Variants in SLC6A11 observed in about 807,000 individuals in gnomAD.
SLC6A11 encodes solute carrier family 6 member 11.
SLC6A11 carries 25 observed loss-of-function variants against 74.8 expected under a neutral mutation model. That is an observed-to-expected ratio of 0.33 (90% CI 0.24 to 0.47). The LOEUF (loss-of-function observed/expected upper bound fraction) is 0.47. SLC6A11 is among the 20% of genes least tolerant of loss of function. The pLI, the probability that SLC6A11 is intolerant of heterozygous loss-of-function variation, is 1.00. For missense variants in SLC6A11, 574 were observed against 837.0 expected (o/e 0.69, Z 3.88); for synonymous variants, 330 against 330.2 (o/e 1.00, Z 0.01).
intron 5 of SLC6A11, among the ~76,000 whole-genome samples, chr3:10,847,727 T>A (rs948613176): frequency 1.2e-4 from 19 of 152,190 alleles, no homozygotes; most frequent in Non-Finnish European, 2.8e-4. Context: ...GTCCGTGGAT[T>A]GATAGGTAAG....
chr3:10,934,015 T>C, intron 11 of SLC6A11, 51 bp from the exon 12 acceptor site: 1 of 1,290,486 alleles, frequency 7.7e-7, no homozygotes, highest in Non-Finnish European at 1.1e-6. Flanking sequence ...CTGACTCATG[T>C]ACAAAACTTC....
chr3:10,851,027 C>T (rs1236935017), intron 5 of SLC6A11, among the ~76,000 whole-genome samples: 5 of 152,166 alleles, frequency 3.3e-5, no homozygotes, highest in Non-Finnish European at 5.9e-5. Flanking sequence ...GTGGTTGACC[C>T]GGCCTTTGGC....
rs1261415018 is a variant in SLC6A11 at position 10,939,457 on chromosome 3, C to G, written c.*1055C>G. The G allele has an allele frequency of 6.6e-6, 1 of 152,452 alleles. No homozygotes were observed. The highest frequency in any genetic ancestry group is 2.4e-5 in the African/African-American group (1 of 41,432). The allele number at this position is 152,452 out of a possible 1,614,324, so 9.4% of individuals were successfully genotyped here. A position where few individuals can be genotyped will look rare whatever the true frequency, so the allele number is the denominator to read the frequency against. ...CAGCCATCTATTCTTGCAGCCATCT[C>G]AGCCAGGGTCTATGTCTTAGGACCT... On this transcript the variant is annotated 3_prime_UTR_variant, in exon 14 of 14. Transcript: ENST00000254488.
Position 10,915,073 on chromosome 3 carries a change from C to G in SLC6A11, c.995+2880C>G, listed in dbSNP as rs891077164. Among the ~76,000 whole-genome samples, 1 of 152,164 alleles carries G rather than the reference C, an allele frequency of 6.6e-6. No homozygotes were observed. The highest frequency in any genetic ancestry group is 1.5e-5 in the Non-Finnish European group (1 of 68,038). On this transcript the variant is annotated intron_variant, in intron 7 of 13. Transcript: ENST00000254488. This position sits in a 1 kb window ranked among gnomAD's most constrained non-coding sequence, Gnocchi z 4.3. ...CAAGGAGATGGTGGCCCGTGGAGCT[C>G]GAGTCCCTTACTCCTGTTCACATTG...
At chr3:10,838,951 TAA>T (rs1694403388) in intron 4 of SLC6A11, among the ~76,000 whole-genome samples, 1 of 152,134 alleles carries the variant, frequency 6.6e-6, no homozygotes, top group East Asian at 1.9e-4. Flanking sequence ...CCAAGTCTCT[TAA>T]TAAGGAAGGA....
intron 6 of SLC6A11, among the ~76,000 whole-genome samples, chr3:10,891,447 A>G (rs1454458572): frequency 6.6e-6 from 1 of 152,206 alleles, no homozygotes; most frequent in African/African-American, 2.4e-5. Context: ...GCTCAATTTT[A>G]TTCATAAAAT....
At position 10,886,625 on chromosome 3, in the gene SLC6A11, G is replaced by C. The variant is rs184968017; in HGVS notation, c.891+11530G>C. Among the ~76,000 whole-genome samples, 22 of 152,264 alleles carry C rather than the reference G, an allele frequency of 1.4e-4. No homozygotes were observed. In the East Asian group the frequency reaches 2.9e-3, roughly 20 times the overall value. ...AATTCCGGACCAGCCTGACCAATATGATGAAGCCCCATCTCTACTAAAAAT... is the reference window on the plus strand; with the variant it reads ...AATTCCGGACCAGCCTGACCAATATCATGAAGCCCCATCTCTACTAAAAAT... On this transcript the variant is annotated intron_variant, in intron 6 of 13. Transcript: ENST00000254488.
intron 5 of SLC6A11, among the ~76,000 whole-genome samples, chr3:10,848,002 C>T (rs1694525962): frequency 1.3e-5 from 2 of 152,182 alleles, no homozygotes; most frequent in African/African-American, 4.8e-5. Flanking sequence ...GCTTTGTGTT[C>T]CCTCTTCATC....
At chr3:10,851,676 G>T (rs866493149) in intron 5 of SLC6A11, among the ~76,000 whole-genome samples, 2 of 152,196 alleles carry the variant, frequency 1.3e-5, no homozygotes, top group Non-Finnish European at 2.9e-5. Flanking sequence ...TGCGAATATC[G>T]TCCCCATTTC....
chr3:10,878,163 T>C (rs754787145), intron 6 of SLC6A11, among the ~76,000 whole-genome samples: 1 of 152,218 alleles, frequency 6.6e-6, no homozygotes, highest in Non-Finnish European at 1.5e-5. Context: ...CTGTGGTCTT[T>C]GGAATAAGAT....
At chr3:10,886,158 T>C (rs967407721) in intron 6 of SLC6A11, among the ~76,000 whole-genome samples, 1 of 152,158 alleles carries the variant, frequency 6.6e-6, no homozygotes, top group Non-Finnish European at 1.5e-5. Flanking sequence ...TACCTGAAAA[T>C]AGTGGTTTCC....
In SLC6A11 at chr3:10,934,047, T is replaced by A; in HGVS notation, c.1475-19T>A. 6.3e-7 allele frequency: 1 copy of A among 1,576,118 alleles called. No individual in the cohort carries two copies. The highest frequency in any genetic ancestry group is 8.7e-7 in the Non-Finnish European group (1 of 1,145,566). ...CTTCTCTGGGGTGTGTATGTTCCCC[T>A]CTGATTTATTCCGGACAGGAAGCAA... On this transcript the variant is annotated intron_variant, in intron 11 of 13. Transcript: ENST00000254488.
At chr3:10,865,303 C>T (rs545224228) in intron 5 of SLC6A11, among the ~76,000 whole-genome samples, 57 of 152,350 alleles carry the variant, frequency 3.7e-4, no homozygotes, top group African/African-American at 1.3e-3. Context: ...GCGCCTTGTG[C>T]TTGGTGATGG....
chr3:10,921,719 C>G (rs1695539738), intron 8 of SLC6A11, among the ~76,000 whole-genome samples: 1 of 151,786 alleles, frequency 6.6e-6, no homozygotes, highest in Non-Finnish European at 1.5e-5. Flanking sequence ...TAAAAAAAGA[C>G]CCAACTATAA....
chr3:10,876,768 G>C (rs9811957), intron 6 of SLC6A11, among the ~76,000 whole-genome samples: 729 of 12,302 alleles, frequency 0.059, 20 homozygotes, highest in African/African-American at 0.096. Context: ...CTCCCACACA[G>C]AGAGAGAGAG....
chr3:10,863,464 G>T (rs1213965401), intron 5 of SLC6A11, among the ~76,000 whole-genome samples: 3 of 152,206 alleles, frequency 2.0e-5, no homozygotes, highest in Non-Finnish European at 4.4e-5. Flanking sequence ...TCAAGACCTA[G>T]AAAGATAATA....
chr3:10,888,500 G>A (rs1027505063), intron 6 of SLC6A11, among the ~76,000 whole-genome samples: 1 of 152,224 alleles, frequency 6.6e-6, no homozygotes, highest in Non-Finnish European at 1.5e-5. Flanking sequence ...CATCGTGTGA[G>A]TTTGTCTGGC....
At chr3:10,884,893 T>G (rs1695024646) in intron 6 of SLC6A11, among the ~76,000 whole-genome samples, 1 of 152,252 alleles carries the variant, frequency 6.6e-6, no homozygotes, top group African/African-American at 2.4e-5. Context: ...AATTTGATTA[T>G]TCTTTCTTCA....
intron 6 of SLC6A11, among the ~76,000 whole-genome samples, chr3:10,905,160 A>G (rs1392157585): frequency 6.6e-6 from 1 of 152,214 alleles, no homozygotes; most frequent in African/African-American, 2.4e-5. Context: ...TGTAGGTGAA[A>G]TAGACTTGGG....
Sources: allele counts gnomAD v4.1 joint callset (sites outside exome capture counted in the v4.1 genomes callset), GRCh38; gene constraint gnomAD v4.1.1; non-coding constraint Gnocchi (gnomAD v3.1); transcripts MANE v1.5; gene names NCBI Gene and HGNC (gene_info 2026-07-23, HGNC 2026-07-21).